The following RABEP2 variants were observed in gnomAD, a reference collection of about 807,000 sequenced individuals.
RABEP2 encodes rabaptin, RAB GTPase binding effector protein 2.
Under a neutral mutation model 74.1 loss-of-function variants are expected in RABEP2, and 57 were observed. The ratio of observed to expected loss-of-function variants is 0.77; its 90% CI spans 0.62 to 0.96. The LOEUF (loss-of-function observed/expected upper bound fraction) is 0.96. Among genes scored for constraint, RABEP2 ranks in the 40% least tolerant of loss-of-function variants. The probability of loss-of-function intolerance (pLI) is 0.00; values close to 1 mark genes in which losing one functional copy is unlikely to be tolerated. For missense variants in RABEP2, 692 were observed against 756.3 expected, an observed-to-expected ratio of 0.91 and a Z score of 1.00; for synonymous variants, 351 against 344.0, an observed-to-expected ratio of 1.02 and a Z score of -0.23.
rs78381506 is a variant in RABEP2, at chr16:28,914,419, G to A, written c.711C>T (p.Phe237=). The change falls in exon 5 of 13, where the codon TTC becomes TTT. Residue 237 remains phenylalanine (F), a synonymous_variant. Transcript: ENST00000358201. ...TGCTGCCGACCCCACCGCCAAGGGA[G>A]AAGGAGGAGATGGAGGCGCTGTCAT... ...NCDDSASISS[F]SLGGGVGSSS... is the part of the protein sequence containing the mutation. 2,287 of 1,613,594 alleles carry A rather than the reference G, an allele frequency of 1.4e-3. 26 individuals are homozygous for A. The African/African-American group carries it at 0.027, about 19-fold the overall frequency.
chr16:28,906,743 C>T (rs546827332), intron 8 of RABEP2, among the ~76,000 whole-genome samples: 15 of 152,018 alleles, frequency 9.9e-5, no homozygotes, highest in African/African-American at 2.7e-4. Context: ...CTAGCCTGGG[C>T]GACAGAACAA....
rs1200540029 is a variant in RABEP2, at chr16:28,905,379, G to A, written c.1608+18C>T. Reference sequence around the variant, plus strand: ...GGAGTGGAGCCAGCCAGCCTGGCGGGGCTGGGACAGGCCATACCTGCAGGG... The same window carrying A: ...GGAGTGGAGCCAGCCAGCCTGGCGGAGCTGGGACAGGCCATACCTGCAGGG... On this transcript the variant is annotated intron_variant, in intron 12 of 12. Transcript: ENST00000358201. 1 of 1,582,976 alleles carries A rather than the reference G, an allele frequency of 6.3e-7. No homozygotes were observed. Among genetic ancestry groups the A allele is most frequent in the South Asian group, 1.1e-5 (1 of 88,582 alleles).
intron 1 of RABEP2, chr16:28,924,900 T>A: frequency 1.3e-6 from 1 of 790,794 alleles, no homozygotes; most frequent in Non-Finnish European, 2.1e-6. Flanking sequence ...CGGGCCCCAC[T>A]TCGCACCTGT....
At chr16:28,915,089 C>T (rs1352533615) in intron 3 of RABEP2, among the ~76,000 whole-genome samples, 1 of 147,476 alleles carries the variant, frequency 6.8e-6, no homozygotes, top group Non-Finnish European at 1.5e-5. Flanking sequence ...GAGATGGAGT[C>T]TTGCTCTATC....
chr16:28,907,447 C>G lies in RABEP2; in HGVS notation c.1245+1162G>C, dbSNP rs192212642. ...AGCTGGGACTATAGGCGCAAGCCAC[C>G]AAGCCCAGCTAATATTTTTATTTTT... On this transcript the variant is annotated intron_variant, in intron 8 of 12. Transcript: ENST00000358201. Among the ~76,000 whole-genome samples, 926 of 152,132 alleles carry G rather than the reference C, an allele frequency of 6.1e-3. 6 individuals are homozygous for G. The highest frequency in any genetic ancestry group is 7.7e-3 in the Non-Finnish European group (526 of 67,984).
chr16:28,924,619 T>TG lies in RABEP2; in HGVS notation c.62-5dup. On this transcript the variant is annotated splice_polypyrimidine_tract_variant and splice_region_variant and intron_variant, in intron 1 of 12. Coordinates refer to ENST00000358201, the MANE Select transcript of RABEP2 (RefSeq NM_024816.3). ...TGGGACCGGGAGTCCTCCAGTGCTG[T>TG]GGGGGACAGGGATCAGCCTCTCTTC... The TG allele has an allele frequency of 6.2e-7, 1 of 1,607,880 alleles. No individual in the cohort carries two copies. Among genetic ancestry groups the TG allele is most frequent in the Non-Finnish European group, 8.5e-7 (1 of 1,179,538 alleles).
At chr16:28,905,791 G>A (rs1374606374) in intron 10 of RABEP2, 32 bp from the exon 11 acceptor site, 1 of 1,613,912 alleles carries the variant, frequency 6.2e-7, no homozygotes, top group Non-Finnish European at 8.5e-7. Flanking sequence ...AGACGTCAGG[G>A]CCATGCCCTC....
intron 8 of RABEP2, among the ~76,000 whole-genome samples, chr16:28,906,401 C>G (rs1237785407): frequency 6.6e-6 from 1 of 152,246 alleles, no homozygotes; most frequent in African/African-American, 2.4e-5. Context: ...TCAGGACACA[C>G]GACCATGCCC....
At chr16:28,920,741 T>C (rs910826779) in intron 2 of RABEP2, among the ~76,000 whole-genome samples, 1 of 152,102 alleles carries the variant, frequency 6.6e-6, no homozygotes, top group Non-Finnish European at 1.5e-5. Context: ...GTGCACAACA[T>C]GCAGGTTTGT....
At chr16:28,910,829 G>A (rs747432393) in intron 7 of RABEP2, 59 bp downstream of exon 7, 51 of 1,461,306 alleles carry the variant, frequency 3.5e-5, no homozygotes, top group Non-Finnish European at 4.5e-5. Context: ...CTTCCACCAC[G>A]TGCAACTGAT....
chr16:28,914,725 C>T lies in RABEP2; in HGVS notation c.490G>A (p.Glu164Lys), dbSNP rs751883197. 6.8e-6 allele frequency: 11 copies of T among 1,614,058 alleles called. No homozygotes were observed. Among genetic ancestry groups the T allele is most frequent in the Middle Eastern group, 1.6e-4 (1 of 6,084 alleles). The change falls in exon 4 of 13, where the codon GAG becomes AAG. Residue 164 changes from glutamate to lysine, a missense_variant. Coordinates refer to ENST00000358201, the MANE Select transcript of RABEP2 (RefSeq NM_024816.3). ...CTCAGCAGCTTCGCCTTCAGCTCCT[C>T]GATCTCCTTTTCCATGGGCAGTACG... ...EIVLPMEKEIEELKAKLLRAE... is the reference protein window; with the variant it reads ...EIVLPMEKEIKELKAKLLRAE...
intron 12 of RABEP2, 57 bp from the exon 13 acceptor site, chr16:28,905,101 C>A (rs536732861): frequency 2.1e-6 from 3 of 1,446,616 alleles, no homozygotes; most frequent in Non-Finnish European, 2.8e-6. Flanking sequence ...AGCCCCTACC[C>A]CACCTGCCAG....
chr16:28,916,191 C>T (rs1403789429), intron 3 of RABEP2: 1 of 152,170 alleles, frequency 6.6e-6, no homozygotes, highest in African/African-American at 2.4e-5. Context: ...GTGTGCCTTT[C>T]TTTATTCCTC....
Position 28,924,478 on chromosome 16 carries a change from TGCTCTC to T in RABEP2, c.193_198del (p.Glu65_Ser66del). 6.2e-7 allele frequency: 1 copy of T among 1,614,044 alleles called. No individual in the cohort carries two copies. Among genetic ancestry groups the T allele is most frequent in the Non-Finnish European group, 8.5e-7 (1 of 1,180,014 alleles). On this transcript the variant is annotated inframe_deletion, in exon 2 of 13. Transcript: ENST00000358201. Reference sequence around the variant, plus strand: ...ACCGCAGCCACAGCCTCGGCCTTCGTGCTCTCGCTCACCTCTGCCACAGCCTTCATG... The same window carrying T: ...ACCGCAGCCACAGCCTCGGCCTTCGTGCTCACCTCTGCCACAGCCTTCATG...
Position 28,910,973 on chromosome 16 carries a change from A to G in RABEP2, c.1004T>C (p.Leu335Pro). 1 of 1,611,290 alleles carries G rather than the reference A, an allele frequency of 6.2e-7. No individual in the cohort carries two copies. The highest frequency in any genetic ancestry group is 8.5e-7 in the Non-Finnish European group (1 of 1,178,178). The change falls in exon 7 of 13, where the codon CTG (leucine) becomes CCG (proline). Residue 335 changes from leucine to proline, a missense_variant. By Grantham distance (98) the Leu-to-Pro change is moderately conservative. Coordinates refer to ENST00000358201, the MANE Select transcript of RABEP2 (RefSeq NM_024816.3). ...EDCAKQMQVL[L>P]AQVQNSEQLL... is the part of the protein sequence containing the mutation. ...CTGCTCTGAGTTCTGGACCTGGGCCAGGAGCACCTGCATCTGGGTTGGAGG... is the reference window on the plus strand; with the variant it reads ...CTGCTCTGAGTTCTGGACCTGGGCCGGGAGCACCTGCATCTGGGTTGGAGG...
At chr16:28,922,818 C>T (rs12923163) in intron 2 of RABEP2, among the ~76,000 whole-genome samples, 45,385 of 151,572 alleles carry the variant, frequency 0.3, 7,411 homozygotes, top group South Asian at 0.68. Flanking sequence ...CGCTTGAACC[C>T]GGGAGGTGGA....
At position 28,904,480 on chromosome 16, in the gene RABEP2, G is replaced by T; in HGVS notation, c.*463C>A. On this transcript the variant is annotated 3_prime_UTR_variant, in exon 13 of 13. Transcript: ENST00000358201. ...CGGAAAAGTCTGGCCTTGCCTCTGT[G>T]CAAGCTTGGAGGCCTGGGTCGCCGC... The T allele has an allele frequency of 6.6e-7, 1 of 1,506,088 alleles. No homozygotes were observed. The highest frequency in any genetic ancestry group is 8.9e-7 in the Non-Finnish European group (1 of 1,127,878). 93.3% of individuals were successfully genotyped at this position (1,506,088 alleles called of 1,614,324 possible).
rs1406403398 is a variant in RABEP2 at position 28,908,664 on chromosome 16, G to A, written c.1190C>T (p.Pro397Leu). 7 of 1,614,188 alleles carry A rather than the reference G, an allele frequency of 4.3e-6. No homozygotes were observed. In the South Asian group the frequency reaches 4.4e-5, roughly 10 times the overall value. Reference protein sequence around the residue: ...LRAEQLPSSAPQGSQQEQGEE... With the variant: ...LRAEQLPSSALQGSQQEQGEE... Reference sequence around the variant, plus strand: ...GCCCTGCTCCTGCTGCGAGCCCTGGGGGGCTGAGGATGGCAGCTGCTCGGC... The same window carrying A: ...GCCCTGCTCCTGCTGCGAGCCCTGGAGGGCTGAGGATGGCAGCTGCTCGGC... Residue 397 changes from proline (P) to leucine (L), a missense_variant, in exon 8 of 13, where the codon CCC becomes CTC. Coordinates refer to ENST00000358201, the MANE Select transcript of RABEP2 (RefSeq NM_024816.3).
chr16:28,905,973 CAG>C (rs781645410), intron 9 of RABEP2, 44 bp downstream of exon 9: 15 of 1,611,436 alleles, frequency 9.3e-6, no homozygotes, highest in Admixed American at 3.3e-5. Flanking sequence ...GCAAGGCCGA[CAG>C]GGGCCCTGGG....
Sources: allele counts gnomAD v4.1 joint callset (sites outside exome capture counted in the v4.1 genomes callset), GRCh38; gene constraint gnomAD v4.1.1; transcripts MANE v1.5; gene names NCBI Gene and HGNC (gene_info 2026-07-23, HGNC 2026-07-21).